MLLT3: variants seen among roughly 807,000 people sequenced by gnomAD.
MLLT3 encodes MLLT3 super elongation complex subunit, also known as protein AF-9.
In MLLT3, 4 loss-of-function variants were observed where a neutral mutation model predicts 53.2. The observed-to-expected ratio is 0.08, with a 90% CI of 0.04 to 0.17. MLLT3 has a LOEUF of 0.17. Ranked by LOEUF, MLLT3 falls within the 10% of genes least tolerant of loss-of-function variation. MLLT3 has a pLI of 1.00. For missense variants in MLLT3, 569 were observed against 684.0 expected (o/e 0.83, Z 1.87); for synonymous variants, 283 against 230.6 (o/e 1.23, Z -2.06).
intron 2 of MLLT3, among the ~76,000 whole-genome samples, chr9:20,617,567 T>A (rs1482191678): frequency 1.3e-5 from 2 of 152,178 alleles, no homozygotes; most frequent in Non-Finnish European, 2.9e-5. Context: ...ACATTAATAT[T>A]TTAAAAGAAA....
chr9:20,450,406 C>G (rs528769954), intron 3 of MLLT3, among the ~76,000 whole-genome samples: 1 of 152,306 alleles, frequency 6.6e-6, no homozygotes, highest in East Asian at 1.9e-4. Flanking sequence ...ATATAAAAGC[C>G]TTTAATGGTT....
intron 5 of MLLT3, among the ~76,000 whole-genome samples, chr9:20,369,146 T>G (rs1037975444): frequency 6.6e-6 from 1 of 152,160 alleles, no homozygotes; most frequent in East Asian, 1.9e-4. Flanking sequence ...GGACCAACCA[T>G]GCTGATGAGA....
intron 2 of MLLT3, among the ~76,000 whole-genome samples, chr9:20,547,666 A>G (rs1201692600): frequency 1.4e-5 from 2 of 140,668 alleles, no homozygotes; most frequent in African/African-American, 5.3e-5. Flanking sequence ...AAAAAAAGGT[A>G]CATACACTGG....
chr9:20,371,561 T>A (rs1329777468), intron 5 of MLLT3, among the ~76,000 whole-genome samples: 1 of 152,246 alleles, frequency 6.6e-6, no homozygotes, highest in Non-Finnish European at 1.5e-5. Flanking sequence ...CAACAAAACC[T>A]GGATGACAGC....
chr9:20,515,447 C>T lies in MLLT3; in HGVS notation c.194-58661G>A, dbSNP rs149366710. ...TAGGGTTTAAAGTTCCTTTTCTTTC[C>T]CTCTTGGGCTTGAAGCCAACACCAT... On this transcript the variant is annotated intron_variant, in intron 2 of 10. Transcript: ENST00000380338. Among the ~76,000 whole-genome samples the T allele has an allele frequency of 3.6e-3, 555 of 152,140 alleles. 3 individuals are homozygous for T. Among genetic ancestry groups the T allele is most frequent in the African/African-American group, 0.013 (540 of 41,486 alleles).
At chr9:20,427,623 A>G (rs2118807054) in intron 4 of MLLT3, among the ~76,000 whole-genome samples, 1 of 152,104 alleles carries the variant, frequency 6.6e-6, no homozygotes, top group South Asian at 2.1e-4. Context: ...ATAAATTAAA[A>G]GGAATTTAAT....
At chr9:20,561,485 T>A (rs554087501) in intron 2 of MLLT3, among the ~76,000 whole-genome samples, 1 of 152,206 alleles carries the variant, frequency 6.6e-6, no homozygotes, top group African/African-American at 2.4e-5. Context: ...ATGCTAATGA[T>A]TGCTGGTTTT....
chr9:20,622,301 C>A lies in MLLT3; in HGVS notation c.-45G>T, dbSNP rs370730840. The A allele has an allele frequency of 2.8e-5, 42 of 1,498,904 alleles. No individual in the cohort carries two copies. In the Admixed American group the frequency reaches 6.8e-4, roughly 24 times the overall value. 92.9% of individuals were successfully genotyped at this position (1,498,904 alleles called of 1,614,324 possible). On this transcript the variant is annotated 5_prime_UTR_variant, in exon 1 of 11. Coordinates refer to ENST00000380338, the MANE Select transcript of MLLT3 (RefSeq NM_004529.4). ...TGCTGGGGTGTTGTGTGGTACCCCC[C>A]CCTCCTCCGCCCCCCCTCAGCTGTA...
chr9:20,611,663 T>C (rs1820705661), intron 2 of MLLT3, among the ~76,000 whole-genome samples: 1 of 152,046 alleles, frequency 6.6e-6, no homozygotes, highest in Admixed American at 6.6e-5. Flanking sequence ...ATAAAAAAAA[T>C]GGTGACTTGA....
At chr9:20,443,265 A>G (rs187882996) in intron 4 of MLLT3, among the ~76,000 whole-genome samples, 2 of 152,282 alleles carry the variant, frequency 1.3e-5, no homozygotes, top group Non-Finnish European at 2.9e-5. Context: ...AAACTGCAAA[A>G]TAAACTTGAT....
In MLLT3 at chr9:20,403,754, A is replaced by C. The variant is rs145798864; in HGVS notation, c.1125+9967T>G. The stretch of plus-strand genomic sequence containing the variant: ...TAGGACACGTGAAAATAGAGTGAAT[A>C]CTTTATATTACTAAAAATGCCCTAG... On this transcript the variant is annotated intron_variant, in intron 5 of 10. Transcript: ENST00000380338. Among the ~76,000 whole-genome samples the C allele has an allele frequency of 1.1e-3, 164 of 152,302 alleles. 1 individual carries two copies. In the East Asian group the frequency reaches 0.022, roughly 21 times the overall value.
At chr9:20,347,077 A>C (rs1351930418) in intron 10 of MLLT3, among the ~76,000 whole-genome samples, 2 of 91,710 alleles carry the variant, frequency 2.2e-5, no homozygotes, top group African/African-American at 5.1e-4. Context: ...GGAACTCCCA[A>C]AAAAAAAAAA....
intron 2 of MLLT3, among the ~76,000 whole-genome samples, chr9:20,458,629 G>C (rs1390758850): frequency 6.6e-6 from 1 of 152,126 alleles, no homozygotes; most frequent in Non-Finnish European, 1.5e-5. Flanking sequence ...CTCTATGTGA[G>C]GACATGGTGA....
intron 2 of MLLT3, among the ~76,000 whole-genome samples, chr9:20,557,687 A>G (rs776381021): frequency 1.3e-5 from 2 of 152,244 alleles, no homozygotes; most frequent in Non-Finnish European, 2.9e-5. Flanking sequence ...TAGTGAGAAT[A>G]TAATACGGTC....
At chr9:20,435,687 G>A (rs980412941) in intron 4 of MLLT3, among the ~76,000 whole-genome samples, 6 of 152,156 alleles carry the variant, frequency 3.9e-5, no homozygotes, top group African/African-American at 7.2e-5. Context: ...AAAGGAGTAC[G>A]GGAAGACTTA....
In MLLT3 at chr9:20,342,685, G is replaced by C. The variant is rs114660559; in HGVS notation, c.*3758C>G. 1,847 of 214,130 alleles carry C rather than the reference G, an allele frequency of 8.6e-3. 37 individuals carry two copies. The highest frequency in any genetic ancestry group is 0.035 in the African/African-American group (1,536 of 44,212). 13.3% of individuals were successfully genotyped at this position (214,130 alleles called of 1,614,324 possible). On this transcript the variant is annotated 3_prime_UTR_variant, in exon 11 of 11. Transcript: ENST00000380338. ...AAAAAGCATCATATAAAACAAAAGA[G>C]GTCAAAAGATGTAGACTTCCAGCCC... is the stretch of plus-strand genomic sequence containing the variant.
rs375750792 is a variant in MLLT3, at chr9:20,401,866, G to A, written c.1125+11855C>T. On this transcript the variant is annotated intron_variant, in intron 5 of 10. Coordinates refer to ENST00000380338, the MANE Select transcript of MLLT3 (RefSeq NM_004529.4). ...ATAATGGATATTGAATAGATAACTA[G>A]CAGTGTCTGCAAGAGATACTTTAGA... is the stretch of plus-strand genomic sequence containing the variant. Among the ~76,000 whole-genome samples, 14 of 152,288 alleles carry A rather than the reference G, an allele frequency of 9.2e-5. No homozygotes were observed. The East Asian group carries it at 2.5e-3, about 27-fold the overall frequency.
intron 2 of MLLT3, among the ~76,000 whole-genome samples, chr9:20,506,658 A>G (rs1335304510): frequency 6.6e-6 from 1 of 152,194 alleles, no homozygotes; most frequent in Non-Finnish European, 1.5e-5. Flanking sequence ...GCACACATAA[A>G]TAGGTTATTT....
intron 2 of MLLT3, among the ~76,000 whole-genome samples, chr9:20,524,804 A>G (rs770483249): frequency 1.3e-5 from 2 of 151,856 alleles, no homozygotes; most frequent in South Asian, 4.2e-4. Context: ...AGGTTCCCCA[A>G]CTCCACACCC....
Sources: gnomAD v4.1 joint callset for allele counts (sites outside exome capture counted in the v4.1 genomes callset) on GRCh38, gnomAD v4.1.1 for gene constraint, MANE v1.5 for transcripts, NCBI Gene and HGNC (gene_info 2026-07-23, HGNC 2026-07-21) for gene names.